The following ANKS1B variants were observed in gnomAD, a reference collection of about 807,000 sequenced individuals.
ANKS1B encodes the protein ankyrin repeat and sterile alpha motif domain containing 1B.
A neutral mutation model predicts 148.3 loss-of-function variants in ANKS1B; 36 were observed. That is an observed-to-expected ratio of 0.24 (90% CI 0.19 to 0.32). The LOEUF (loss-of-function observed/expected upper bound fraction) is 0.32, where lower values mean the gene tolerates loss of function less well. Among genes scored for constraint, ANKS1B ranks in the 10% least tolerant of loss-of-function variants. ANKS1B has a pLI of 1.00. For missense variants in ANKS1B, 1,157 were observed against 1,542.6 expected (o/e 0.75, Z 4.19); for synonymous variants, 542 against 560.8 (o/e 0.97, Z 0.47).
In ANKS1B at chr12:98,745,375, C is replaced by CAATTTT; in HGVS notation, c.*363_*364insAAAATT. On this transcript the variant is annotated 3_prime_UTR_variant, in exon 27 of 27. Coordinates refer to ENST00000683438, the MANE Select transcript of ANKS1B (RefSeq NM_001352186.2). ...TAGGCAGTATTAGAGATCCCCTTTA[C>CAATTTT]TTTTTTTTTTTTTTTTTTTTTTTTA... The CAATTTT allele has an allele frequency of 1.1e-6, 1 of 911,242 alleles. No homozygotes were observed. Among genetic ancestry groups the CAATTTT allele is most frequent in the Non-Finnish European group, 1.3e-6 (1 of 791,616 alleles). 56.4% of individuals were successfully genotyped at this position (911,242 alleles called of 1,614,324 possible).
At chr12:99,184,551 C>T (rs959196393) in intron 14 of ANKS1B, among the ~76,000 whole-genome samples, 4 of 152,174 alleles carry the variant, frequency 2.6e-5, no homozygotes, top group Non-Finnish European at 5.9e-5. Context: ...TCTTGTCTAT[C>T]TATAGATTAT....
At chr12:99,855,088 C>A (rs1041485434) in intron 1 of ANKS1B, among the ~76,000 whole-genome samples, 1 of 151,926 alleles carries the variant, frequency 6.6e-6, no homozygotes, top group African/African-American at 2.4e-5. Context: ...CCTAAATGTT[C>A]CACTTAAAAG....
chr12:98,826,460 A>T (rs975474922), intron 19 of ANKS1B, among the ~76,000 whole-genome samples: 2 of 152,164 alleles, frequency 1.3e-5, no homozygotes, highest in Non-Finnish European at 2.9e-5. Flanking sequence ...ACATCTGGTA[A>T]GCAGACCTCA....
chr12:99,590,258 C>CACACACACACACACACA (rs1567422900), intron 9 of ANKS1B, among the ~76,000 whole-genome samples: 5 of 132,806 alleles, frequency 3.8e-5, no homozygotes, highest in Non-Finnish European at 8.2e-5. Flanking sequence ...CCACACCCAC[C>CACACACACACACACACA]CACACACACA....
intron 12 of ANKS1B, among the ~76,000 whole-genome samples, chr12:99,379,745 A>G (rs750429854): frequency 6.6e-6 from 1 of 152,224 alleles, no homozygotes; most frequent in Non-Finnish European, 1.5e-5. Context: ...TGTGAATCCT[A>G]GTGTCTACTT....
At chr12:99,223,707 G>T (rs1210030020) in intron 14 of ANKS1B, among the ~76,000 whole-genome samples, 1 of 152,182 alleles carries the variant, frequency 6.6e-6, no homozygotes, top group Admixed American at 6.5e-5. Flanking sequence ...CTGGGGGTTG[G>T]AAATCTTTGG....
intron 9 of ANKS1B, among the ~76,000 whole-genome samples, chr12:99,608,620 G>T (rs1275539777): frequency 6.6e-6 from 1 of 151,984 alleles, no homozygotes; most frequent in Non-Finnish European, 1.5e-5. Flanking sequence ...AAATGCCAAA[G>T]ATATCAGGGA....
intron 4 of ANKS1B, among the ~76,000 whole-genome samples, chr12:99,803,512 AC>A (rs1383885302): frequency 6.6e-6 from 1 of 152,112 alleles, no homozygotes; most frequent in Non-Finnish European, 1.5e-5. Context: ...CTCAGACATC[AC>A]CCCGATACTT....
chr12:99,034,275 A>C (rs1406774828), intron 17 of ANKS1B, among the ~76,000 whole-genome samples: 1 of 152,160 alleles, frequency 6.6e-6, no homozygotes, highest in African/African-American at 2.4e-5. Context: ...TGGAGGCTAT[A>C]GTTGTAATAA....
intron 10 of ANKS1B, among the ~76,000 whole-genome samples, chr12:99,453,769 A>G (rs1595078026): frequency 6.6e-6 from 1 of 152,258 alleles, no homozygotes; most frequent in Non-Finnish European, 1.5e-5. Context: ...TGTTTGTGCT[A>G]CAATGGTGCT....
chr12:98,745,664 C>T lies in ANKS1B; in HGVS notation c.*75G>A. On this transcript the variant is annotated 3_prime_UTR_variant, in exon 27 of 27. Transcript: ENST00000683438. The stretch of plus-strand genomic sequence containing the variant: ...GTCTTCCTCCTGGGCTGGGTGGACG[C>T]GGAGGCGCGAAGGAAAGCCTGCTCC... 6.4e-7 allele frequency: 1 copy of T among 1,574,436 alleles called. No homozygotes were observed. Among genetic ancestry groups the T allele is most frequent in the Non-Finnish European group, 8.6e-7 (1 of 1,159,930 alleles).
At chr12:99,728,626 T>G (rs904828395) in intron 8 of ANKS1B, among the ~76,000 whole-genome samples, 1 of 152,170 alleles carries the variant, frequency 6.6e-6, no homozygotes, top group Non-Finnish European at 1.5e-5. Context: ...CATTACTGGG[T>G]ATATATCCAA....
At chr12:98,850,025 T>C (rs1371913016) in intron 17 of ANKS1B, among the ~76,000 whole-genome samples, 1 of 152,238 alleles carries the variant, frequency 6.6e-6, no homozygotes, top group African/African-American at 2.4e-5. Context: ...AAATGGGCTT[T>C]GTCTGATTAC....
At chr12:99,648,256 C>T in intron 9 of ANKS1B, 1 of 1,614,214 alleles carries the variant, frequency 6.2e-7, no homozygotes, top group Non-Finnish European at 8.5e-7. Context: ...CATGGGGAAG[C>T]TGCAGCGGCA....
chr12:99,757,395 A>G (rs748403459), intron 8 of ANKS1B, among the ~76,000 whole-genome samples: 2 of 152,104 alleles, frequency 1.3e-5, no homozygotes, highest in Non-Finnish European at 2.9e-5. Flanking sequence ...CCACAATGAG[A>G]TGCCATCTCA....
intron 15 of ANKS1B, among the ~76,000 whole-genome samples, chr12:99,153,998 G>A (rs917533249): frequency 1.3e-5 from 2 of 152,110 alleles, no homozygotes; most frequent in Non-Finnish European, 2.9e-5. Context: ...ATCATACCAA[G>A]AATGACAGGG....
intron 17 of ANKS1B, among the ~76,000 whole-genome samples, chr12:98,857,921 A>C (rs115111633): frequency 2.6e-3 from 392 of 152,288 alleles, no homozygotes; most frequent in African/African-American, 8.8e-3. Flanking sequence ...GTATGTAGCT[A>C]TATTTTGTGT....
intron 17 of ANKS1B, among the ~76,000 whole-genome samples, chr12:98,840,929 A>T (rs1286261826): frequency 6.6e-6 from 1 of 152,186 alleles, no homozygotes; most frequent in Non-Finnish European, 1.5e-5. Context: ...AGAAAATGGG[A>T]AGTATGTGCA....
intron 10 of ANKS1B, among the ~76,000 whole-genome samples, chr12:99,496,165 G>A (rs1463446486): frequency 6.6e-6 from 1 of 152,038 alleles, no homozygotes; most frequent in Non-Finnish European, 1.5e-5. Context: ...TGGATTTATC[G>A]GGCATCCATA....
Sources: gnomAD v4.1 joint callset for allele counts (sites outside exome capture counted in the v4.1 genomes callset) on GRCh38, gnomAD v4.1.1 for gene constraint, MANE v1.5 for transcripts, NCBI Gene and HGNC (gene_info 2026-07-23, HGNC 2026-07-21) for gene names.